Variants in KIF4B observed in about 807,000 individuals in gnomAD.
KIF4B encodes the protein kinesin family member 4B.
In KIF4B, 60 loss-of-function variants were observed where a neutral mutation model predicts 69.0. The ratio of observed to expected loss-of-function variants is 0.87; its 90% CI spans 0.71 to 1.08. The LOEUF is 1.08. KIF4B is among the 50% of genes least tolerant of loss of function. The probability of loss-of-function intolerance (pLI) is 0.00; values close to 1 mark genes in which losing one functional copy is unlikely to be tolerated. For missense variants in KIF4B, 1,357 were observed against 1,451.9 expected (o/e 0.93, Z 1.06); for synonymous variants, 489 against 533.0 (o/e 0.92, Z 1.14).
rs754354856 is a variant in KIF4B at position 155,014,443 on chromosome 5, A to G, written c.584A>G (p.Asn195Ser). ...ACTGTTTCCTGTTTGGAGCAGGGCA[A>G]CAACTCTAGGACTGTGGCCTCCACA... ...LDTVSCLEQG[N>S]NSRTVASTAM... The change falls in exon 1 of 1, where the codon AAC becomes AGC. Residue 195 changes from asparagine to serine, a missense_variant. Physicochemically the swap from Asn to Ser is conservative, Grantham distance 46 (BLOSUM62 1). Coordinates refer to ENST00000435029, the MANE Select transcript of KIF4B (RefSeq NM_001099293.3). 59 of 1,614,162 alleles carry G rather than the reference A, an allele frequency of 3.7e-5. No homozygotes were observed. Among genetic ancestry groups the G allele is most frequent in the Middle Eastern group, 3.3e-4 (2 of 6,060 alleles).
At position 155,015,322 on chromosome 5, in the gene KIF4B, T is replaced by C. The variant is rs574076977; in HGVS notation, c.1463T>C (p.Ile488Thr). ...ACTGTTGCTTGCACGGCTGCAGCCATTGATACTGCGGTAGAAGAAGAAGCT... is the reference window on the plus strand; with the variant it reads ...ACTGTTGCTTGCACGGCTGCAGCCACTGATACTGCGGTAGAAGAAGAAGCT... ...DETVACTAAA[I>T]DTAVEEEAQV... The change falls in exon 1 of 1, where the codon ATT becomes ACT. Residue 488 changes from isoleucine to threonine, a missense_variant. By Grantham distance (89) the Ile-to-Thr change is moderately conservative. Coordinates refer to ENST00000435029, the MANE Select transcript of KIF4B (RefSeq NM_001099293.3). 11 of 1,614,204 alleles carry C rather than the reference T, an allele frequency of 6.8e-6. No individual in the cohort carries two copies. Among genetic ancestry groups the C allele is most frequent in the East Asian group, 2.2e-5 (1 of 44,886 alleles).
chr5:155,015,124 T>C lies in KIF4B; in HGVS notation c.1265T>C (p.Leu422Ser). 1 of 1,614,238 alleles carries C rather than the reference T, an allele frequency of 6.2e-7. No individual in the cohort carries two copies. The highest frequency in any genetic ancestry group is 8.5e-7 in the Non-Finnish European group (1 of 1,180,040). Residue 422 changes from leucine (L) to serine (S), a missense_variant, in exon 1 of 1, where the codon TTG becomes TCG. Coordinates refer to ENST00000435029, the MANE Select transcript of KIF4B (RefSeq NM_001099293.3). ...QTAQMLERII[L>S]TEQVNEKLNA... ...GCCCAGATGTTGGAGAGGATCATTT[T>C]GACAGAGCAAGTGAATGAAAAACTG...
chr5:155,016,745 A>G lies in KIF4B; in HGVS notation c.2886A>G (p.Thr962=), dbSNP rs1380784889. The G allele has an allele frequency of 1.2e-6, 2 of 1,614,186 alleles. No homozygotes were observed. The highest frequency in any genetic ancestry group is 1.7e-5 in the Admixed American group (1 of 60,026). ...ASEKEQQLVS[T]LQCQDEELEK... ...AAAAGGAACAACAGCTGGTGAGCAC[A>G]CTGCAGTGTCAGGATGAAGAACTTG... The change falls in exon 1 of 1, where the codon ACA becomes ACG. Residue 962 remains threonine, a synonymous_variant. Transcript: ENST00000435029.
Position 155,016,859 on chromosome 5 carries a change from C to T in KIF4B, c.3000C>T (p.Ala1000=), listed in dbSNP as rs770580640. The change falls in exon 1 of 1, where the codon GCC becomes GCT. Residue 1000 remains alanine, a synonymous_variant. Transcript: ENST00000435029. ...AGAAACTGATCCTCCTCCAGGTAGC[C>T]AGCAGACAGAAACATCTTCCTAATG... ...IKQKLILLQV[A]SRQKHLPNDT... is the part of the protein sequence containing the mutation. 6.2e-7 allele frequency: 1 copy of T among 1,614,080 alleles called. No individual in the cohort carries two copies. The highest frequency in any genetic ancestry group is 8.5e-7 in the Non-Finnish European group (1 of 1,180,050).
In KIF4B at chr5:155,014,870, G is replaced by C; in HGVS notation, c.1011G>C (p.Lys337Asn). 1 of 1,614,060 alleles carries C rather than the reference G, an allele frequency of 6.2e-7. No homozygotes were observed. Among genetic ancestry groups the C allele is most frequent in the South Asian group, 1.1e-5 (1 of 91,078 alleles). ...LRYADRARKI[K>N]NKPIVNIDPH... Reference sequence around the variant, plus strand: ...ATGCTGACAGAGCAAGAAAAATCAAGAACAAACCTATTGTTAATATTGATC... The same window carrying C: ...ATGCTGACAGAGCAAGAAAAATCAACAACAAACCTATTGTTAATATTGATC... Residue 337 changes from lysine (K) to asparagine (N), a missense_variant, in exon 1 of 1, where the codon AAG becomes AAC. Physicochemically the swap from Lys to Asn is moderately conservative, Grantham distance 94 (BLOSUM62 0). Coordinates refer to ENST00000435029, the MANE Select transcript of KIF4B (RefSeq NM_001099293.3).
chr5:155,015,569 T>C lies in KIF4B; in HGVS notation c.1710T>C (p.Asn570=). Residue 570 remains asparagine, a synonymous_variant, in exon 1 of 1, where the codon AAT becomes AAC. Coordinates refer to ENST00000435029, the MANE Select transcript of KIF4B (RefSeq NM_001099293.3). ...AAAATCTAGAATTAGAAGTCATCAA[T>C]CTGCAAAAGGAAAAGGAAGAATTGG... ...NIKNLELEVI[N]LQKEKEELVR... is the part of the protein sequence containing the mutation. 2 of 1,614,122 alleles carry C rather than the reference T, an allele frequency of 1.2e-6. No homozygotes were observed. Among genetic ancestry groups the C allele is most frequent in the Non-Finnish European group, 1.7e-6 (2 of 1,180,016 alleles).
In KIF4B at chr5:155,016,303, G is replaced by A. The variant is rs975611507; in HGVS notation, c.2444G>A (p.Cys815Tyr). 6.2e-7 allele frequency: 1 copy of A among 1,614,078 alleles called. No individual in the cohort carries two copies. The highest frequency in any genetic ancestry group is 1.3e-5 in the African/African-American group (1 of 74,938). The change falls in exon 1 of 1, where the codon TGT (cysteine) becomes TAT (tyrosine). Residue 815 changes from cysteine to tyrosine, a missense_variant. Physicochemically the swap from Cys to Tyr is radical, Grantham distance 194. Coordinates refer to ENST00000435029, the MANE Select transcript of KIF4B (RefSeq NM_001099293.3). Reference protein sequence around the residue: ...VHGQVLESEDCITKQIESLET... With the variant: ...VHGQVLESEDYITKQIESLET... ...GGTCAAGTTTTGGAGTCAGAAGATT[G>A]TATTACAAAACAGATTGAAAGCCTA...
Position 155,014,938 on chromosome 5 carries a change from A to G in KIF4B, c.1079A>G (p.Gln360Arg). Residue 360 changes from glutamine to arginine, a missense_variant, in exon 1 of 1, where the codon CAG becomes CGG. By Grantham distance (43) the Gln-to-Arg change is conservative. Coordinates refer to ENST00000435029, the MANE Select transcript of KIF4B (RefSeq NM_001099293.3). ...ELNHLKQQVQ[Q>R]LQVLLLQAHG... ...AATCATCTAAAGCAACAGGTACAAC[A>G]GCTACAAGTCTTGTTGCTACAAGCC... is the stretch of plus-strand genomic sequence containing the variant. 6.2e-7 allele frequency: 1 copy of G among 1,614,246 alleles called. No homozygotes were observed. Among genetic ancestry groups the G allele is most frequent in the Admixed American group, 1.7e-5 (1 of 60,036 alleles).
chr5:155,015,248 A>C lies in KIF4B; in HGVS notation c.1389A>C (p.Val463=). The C allele has an allele frequency of 6.2e-7, 1 of 1,614,258 alleles. No individual in the cohort carries two copies. The highest frequency in any genetic ancestry group is 8.5e-7 in the Non-Finnish European group (1 of 1,180,040). The change falls in exon 1 of 1, where the codon GTA becomes GTC. Residue 463 remains valine, a synonymous_variant. Coordinates refer to ENST00000435029, the MANE Select transcript of KIF4B (RefSeq NM_001099293.3). ...TLEDQELKEN[V]EIICNLQQLI... ...AAGACCAGGAATTGAAAGAAAATGT[A>C]GAGATAATTTGTAACCTGCAGCAAC...
Position 155,017,429 on chromosome 5 carries a change from T to C in KIF4B, c.3570T>C (p.Phe1190=), listed in dbSNP as rs536285860. The C allele has an allele frequency of 7.4e-6, 12 of 1,614,162 alleles. No individual in the cohort carries two copies. The highest frequency in any genetic ancestry group is 1.3e-5 in the African/African-American group (1 of 75,026). Residue 1190 remains phenylalanine (F), a synonymous_variant, in exon 1 of 1, where the codon TTT becomes TTC. Transcript: ENST00000435029. ...SKKTAPAPSP[F]DLPESKHGAT... Reference sequence around the variant, plus strand: ...AGACTGCTCCAGCTCCCTCCCCTTTTGACCTCCCAGAGTCGAAACATGGAG... The same window carrying C: ...AGACTGCTCCAGCTCCCTCCCCTTTCGACCTCCCAGAGTCGAAACATGGAG...
At position 155,016,918 on chromosome 5, in the gene KIF4B, A is replaced by G; in HGVS notation, c.3059A>G (p.Tyr1020Cys). The G allele has an allele frequency of 6.2e-7, 1 of 1,614,230 alleles. No homozygotes were observed. The highest frequency in any genetic ancestry group is 8.5e-7 in the Non-Finnish European group (1 of 1,180,038). The change falls in exon 1 of 1, where the codon TAT becomes TGT. Residue 1020 changes from tyrosine (Y) to cysteine (C), a missense_variant. Coordinates refer to ENST00000435029, the MANE Select transcript of KIF4B (RefSeq NM_001099293.3). ...TLLSPDSSFE[Y>C]IPPKPKPSRV... is the part of the protein sequence containing the mutation. Reference sequence around the variant, plus strand: ...CTATCTCCAGACTCTTCTTTTGAATATATCCCACCTAAGCCAAAACCTTCT... The same window carrying G: ...CTATCTCCAGACTCTTCTTTTGAATGTATCCCACCTAAGCCAAAACCTTCT...
chr5:155,016,090 G>A lies in KIF4B; in HGVS notation c.2231G>A (p.Arg744Lys). 1 of 1,614,186 alleles carries A rather than the reference G, an allele frequency of 6.2e-7. No individual in the cohort carries two copies. The highest frequency in any genetic ancestry group is 8.5e-7 in the Non-Finnish European group (1 of 1,180,030). ...HGKEGIAARV[R>K]NWLGNEIEVM... The stretch of plus-strand genomic sequence containing the variant: ...AAGGAAGGTATTGCAGCTCGAGTGA[G>A]GAATTGGCTTGGAAATGAAATTGAG... Residue 744 changes from arginine (R) to lysine (K), a missense_variant, in exon 1 of 1, where the codon AGG (arginine) becomes AAG (lysine). By Grantham distance (26) the Arg-to-Lys change is conservative. Transcript: ENST00000435029.
Position 155,017,424 on chromosome 5 carries a change from C to A in KIF4B, c.3565C>A (p.Pro1189Thr). 8 of 1,614,164 alleles carry A rather than the reference C, an allele frequency of 5.0e-6. No individual in the cohort carries two copies. Among genetic ancestry groups the A allele is most frequent in the Non-Finnish European group, 6.8e-6 (8 of 1,180,034 alleles). ...AAAGAAGACTGCTCCAGCTCCCTCC[C>A]CTTTTGACCTCCCAGAGTCGAAACA... The part of the protein sequence containing the change: ...LSKKTAPAPS[P>T]FDLPESKHGA... The change falls in exon 1 of 1, where the codon CCT becomes ACT. Residue 1189 changes from proline (P) to threonine (T), a missense_variant. Pro to Thr is a conservative substitution (Grantham distance 38). Transcript: ENST00000435029.
In KIF4B at chr5:155,016,551, A is replaced by G. The variant is rs367677645; in HGVS notation, c.2692A>G (p.Met898Val). 8.7e-6 allele frequency: 14 copies of G among 1,614,060 alleles called. No homozygotes were observed. The African/African-American group carries it at 1.9e-4, about 22-fold the overall frequency. ...ACAGAGCAAGGCCAGCTGTGCTGAC[A>G]TGCAGAAGATGCTATTTGAGGAACA... ...LRQSKASCADMQKMLFEEQNH... is the reference protein window; with the variant it reads ...LRQSKASCADVQKMLFEEQNH... The change falls in exon 1 of 1, where the codon ATG becomes GTG. Residue 898 changes from methionine to valine, a missense_variant. Met to Val is a conservative substitution (Grantham distance 21, BLOSUM62 1). Transcript: ENST00000435029.
rs748145782 is a variant in KIF4B at position 155,015,536 on chromosome 5, T to A, written c.1677T>A (p.Asp559Glu). Residue 559 changes from aspartate (D) to glutamate (E), a missense_variant, in exon 1 of 1, where the codon GAT becomes GAA. Asp to Glu is a conservative substitution (Grantham distance 45). Transcript: ENST00000435029. ...QLQPIQFQYQ[D>E]NIKNLELEVI... ...AGCCCATTCAGTTTCAATACCAGGA[T>A]AACATAAAAAATCTAGAATTAGAAG... The A allele has an allele frequency of 6.2e-7, 1 of 1,614,030 alleles. No individual in the cohort carries two copies. Among genetic ancestry groups the A allele is most frequent in the East Asian group, 2.2e-5 (1 of 44,870 alleles).
In KIF4B at chr5:155,015,658, A is replaced by C; in HGVS notation, c.1799A>C (p.Lys600Thr). ...NQAKLSEHRH[K>T]LLQELEGQIA... Reference sequence around the variant, plus strand: ...GCCAAGCTGAGTGAGCACCGCCACAAACTTCTCCAGGAGCTGGAGGGTCAA... The same window carrying C: ...GCCAAGCTGAGTGAGCACCGCCACACACTTCTCCAGGAGCTGGAGGGTCAA... The change falls in exon 1 of 1, where the codon AAA becomes ACA. Residue 600 changes from lysine (K) to threonine (T), a missense_variant. Coordinates refer to ENST00000435029, the MANE Select transcript of KIF4B (RefSeq NM_001099293.3). The C allele has an allele frequency of 6.2e-7, 1 of 1,614,238 alleles. No individual in the cohort carries two copies. The highest frequency in any genetic ancestry group is 8.5e-7 in the Non-Finnish European group (1 of 1,180,042).
chr5:155,015,314 T>G lies in KIF4B; in HGVS notation c.1455T>G (p.Ala485=). The stretch of plus-strand genomic sequence containing the variant: ...CAGATGAAACTGTTGCTTGCACGGC[T>G]GCAGCCATTGATACTGCGGTAGAAG... The part of the protein sequence containing the change: ...QLSDETVACT[A]AAIDTAVEEE... Residue 485 remains alanine (A), a synonymous_variant, in exon 1 of 1, where the codon GCT becomes GCG. Coordinates refer to ENST00000435029, the MANE Select transcript of KIF4B (RefSeq NM_001099293.3). 6.2e-7 allele frequency: 1 copy of G among 1,614,236 alleles called. No individual in the cohort carries two copies. The highest frequency in any genetic ancestry group is 1.6e-4 in the Middle Eastern group (1 of 6,062).
In KIF4B at chr5:155,017,334, C is replaced by T. The variant is rs772431228; in HGVS notation, c.3475C>T (p.Pro1159Ser). The change falls in exon 1 of 1, where the codon CCT (proline) becomes TCT (serine). Residue 1159 changes from proline (P) to serine (S), a missense_variant. Pro to Ser is a moderately conservative substitution (Grantham distance 74, BLOSUM62 -1). Coordinates refer to ENST00000435029, the MANE Select transcript of KIF4B (RefSeq NM_001099293.3). ...EVTPGLSFFNPVCATPNSKIL... is the reference protein window; with the variant it reads ...EVTPGLSFFNSVCATPNSKIL... Reference sequence around the variant, plus strand: ...GACCCCAGGATTGAGCTTCTTTAACCCTGTCTGTGCCACCCCCAATAGCAA... The same window carrying T: ...GACCCCAGGATTGAGCTTCTTTAACTCTGTCTGTGCCACCCCCAATAGCAA... 2.6e-5 allele frequency: 42 copies of T among 1,614,036 alleles called. No individual in the cohort carries two copies. Among genetic ancestry groups the T allele is most frequent in the Non-Finnish European group, 3.2e-5 (38 of 1,180,032 alleles).
Position 155,016,015 on chromosome 5 carries a change from A to C in KIF4B, c.2156A>C (p.Gln719Pro), listed in dbSNP as rs746259237. 3.7e-6 allele frequency: 6 copies of C among 1,614,106 alleles called. No individual in the cohort carries two copies. In the African/African-American group the frequency reaches 6.7e-5, roughly 18 times the overall value. ...AANKRLKDAL[Q>P]KQREVTDKRK... ...AACAAGCGACTCAAGGATGCTCTCC[A>C]GAAACAACGAGAGGTCACAGATAAG... The change falls in exon 1 of 1, where the codon CAG (glutamine) becomes CCG (proline). Residue 719 changes from glutamine to proline, a missense_variant. Gln to Pro is a moderately conservative substitution (Grantham distance 76). Coordinates refer to ENST00000435029, the MANE Select transcript of KIF4B (RefSeq NM_001099293.3).
Sources: allele counts gnomAD v4.1 joint callset, GRCh38; gene constraint gnomAD v4.1.1; transcripts MANE v1.5; gene names NCBI Gene and HGNC (gene_info 2026-07-23, HGNC 2026-07-21).